Variants in CYP2E1 observed in about 807,000 individuals in gnomAD.
The protein encoded by CYP2E1 is cytochrome P450 family 2 subfamily E member 1.
CYP2E1 carries 31 observed loss-of-function variants against 42.9 expected under a neutral mutation model. That is an observed-to-expected ratio of 0.72 (90% CI 0.54 to 0.98). The LOEUF (loss-of-function observed/expected upper bound fraction) is 0.98. CYP2E1 is among the 50% of genes least tolerant of loss of function. CYP2E1 has a pLI of 0.00. For missense variants in CYP2E1, 565 were observed against 633.2 expected (o/e 0.89, Z 1.16); for synonymous variants, 244 against 248.9 (o/e 0.98, Z 0.19).
intron 6 of CYP2E1, 48 bp from the exon 7 acceptor site, chr10:133,537,015 C>T (rs755157438): frequency 1.4e-6 from 1 of 736,640 alleles, no homozygotes; most frequent in Non-Finnish European, 2.2e-6. Context: ...GGATGCCCAA[C>T]TGGCCAGGAA....
At chr10:133,533,730 C>A in intron 5 of CYP2E1, 26 bp from the exon 6 acceptor site, 1 of 1,612,204 alleles carries the variant, frequency 6.2e-7, no homozygotes. Flanking sequence ...AGCCCCTTCT[C>A]CTCCGGTCTG....
chr10:133,538,234 T>C (rs2133601051), intron 8 of CYP2E1, among the ~76,000 whole-genome samples: 1 of 152,288 alleles, frequency 6.6e-6, no homozygotes, highest in African/African-American at 2.4e-5. Context: ...CTCCCTAATT[T>C]TAAACCAGAG....
Position 133,539,016 on chromosome 10 carries a change from T to C in CYP2E1, c.*52T>C, listed in dbSNP as rs11101812. The C allele has an allele frequency of 2.4e-3, 3,526 of 1,465,024 alleles. 83 individuals carry two copies. The African/African-American group carries it at 0.045, about 19-fold the overall frequency. The allele number at this position is 1,465,024 out of a possible 1,614,324, so 90.8% of individuals were successfully genotyped here. A position where few individuals can be genotyped will look rare whatever the true frequency, so the allele number is the denominator to read the frequency against. On this transcript the variant is annotated 3_prime_UTR_variant, in exon 9 of 9. Coordinates refer to ENST00000252945, the MANE Select transcript of CYP2E1 (RefSeq NM_000773.4). ...CGCTTTCAAACAAGTTTTCAAATTGTTTGAGGTCAGGATTTCTCAAACTGA... is the reference window on the plus strand; with the variant it reads ...CGCTTTCAAACAAGTTTTCAAATTGCTTGAGGTCAGGATTTCTCAAACTGA...
intron 6 of CYP2E1, 39 bp from the exon 7 acceptor site, chr10:133,537,024 A>T: frequency 3.1e-6 from 5 of 1,592,360 alleles, no homozygotes; most frequent in Non-Finnish European, 4.3e-6. Context: ...ACTGGCCAGG[A>T]ACCAATCCCT....
rs766143856 is a variant in CYP2E1, at chr10:133,527,395, C to T, written c.-1C>T. On this transcript the variant is annotated 5_prime_UTR_variant, in exon 1 of 9. Coordinates refer to ENST00000252945, the MANE Select transcript of CYP2E1 (RefSeq NM_000773.4). ...GCTGGCAGCAGGGCCCCAGCGGCAC[C>T]ATGTCTGCCCTCGGAGTCACCGTGG... 18 of 1,600,784 alleles carry T rather than the reference C, an allele frequency of 1.1e-5. No homozygotes were observed. The highest frequency in any genetic ancestry group is 1.9e-4 in the Middle Eastern group (1 of 5,340).
In CYP2E1 at chr10:133,531,998, C is replaced by T; in HGVS notation, c.488-126C>T. Reference sequence around the variant, plus strand: ...TCAAACAGGTTCAGACATTCACTATCTTTCGTAAACTGGCAGTTTTCAGGG... The same window carrying T: ...TCAAACAGGTTCAGACATTCACTATTTTTCGTAAACTGGCAGTTTTCAGGG... On this transcript the variant is annotated intron_variant, in intron 3 of 8. Coordinates refer to ENST00000252945, the MANE Select transcript of CYP2E1 (RefSeq NM_000773.4). The T allele has an allele frequency of 1.6e-5, 15 of 922,148 alleles. 1 individual carries two copies. The South Asian group carries it at 2.5e-4, about 15-fold the overall frequency. The allele number at this position is 922,148 out of a possible 1,614,324, so 57.1% of individuals were successfully genotyped here.
Position 133,532,135 on chromosome 10 carries a change from G to C in CYP2E1, c.499G>C (p.Asp167His). The change falls in exon 4 of 9, where the codon GAC becomes CAC. Residue 167 changes from aspartate to histidine, a missense_variant. Physicochemically the swap from Asp to His is moderately conservative, Grantham distance 81. Coordinates refer to ENST00000252945, the MANE Select transcript of CYP2E1 (RefSeq NM_000773.4). ...ALRKTQGQPFDPTFLIGCAPC... is the reference protein window; with the variant it reads ...ALRKTQGQPFHPTFLIGCAPC... ...TGCCTGTTTTGTAGGCCAGCCTTTC[G>C]ACCCCACCTTCCTCATCGGCTGCGC... is the stretch of plus-strand genomic sequence containing the variant. 6.2e-7 allele frequency: 1 copy of C among 1,613,324 alleles called. No individual in the cohort carries two copies. Among genetic ancestry groups the C allele is most frequent in the Non-Finnish European group, 8.5e-7 (1 of 1,179,640 alleles).
In CYP2E1 at chr10:133,538,813, G is replaced by A. The variant is rs764917641; in HGVS notation, c.1331G>A (p.Arg444His). Residue 444 changes from arginine (R) to histidine (H), a missense_variant, in exon 9 of 9, where the codon CGC becomes CAC. Arg to His is a conservative substitution (Grantham distance 29). Transcript: ENST00000252945. Reference protein sequence around the residue: ...KRVCAGEGLARMELFLLLCAI... With the variant: ...KRVCAGEGLAHMELFLLLCAI... ...GTGTGTGCTGGAGAAGGCCTGGCTC[G>A]CATGGAGTTGTTTCTTTTGTTGTGT... 6 of 1,613,930 alleles carry A rather than the reference G, an allele frequency of 3.7e-6. No individual in the cohort carries two copies. The highest frequency in any genetic ancestry group is 1.7e-5 in the Admixed American group (1 of 59,998).
At chr10:133,530,222 C>G (rs891773550) in intron 2 of CYP2E1, among the ~76,000 whole-genome samples, 3 of 152,204 alleles carry the variant, frequency 2.0e-5, no homozygotes, top group African/African-American at 7.2e-5. Flanking sequence ...TCCTTATTAG[C>G]ACAATACTGA....
intron 3 of CYP2E1, 67 bp from the exon 4 acceptor site, chr10:133,532,057 G>A: frequency 2.7e-6 from 4 of 1,465,172 alleles, no homozygotes; most frequent in Non-Finnish European, 3.8e-6. Flanking sequence ...ACCTCAGTGG[G>A]TGACTGAGCA....
At chr10:133,528,964 T>C (rs1172187070) in intron 2 of CYP2E1, among the ~76,000 whole-genome samples, 1 of 152,156 alleles carries the variant, frequency 6.6e-6, no homozygotes, top group Non-Finnish European at 1.5e-5. Context: ...CGGGAGCGCT[T>C]TCCCCTCCTG....
Position 133,528,515 on chromosome 10 carries a change from A to G in CYP2E1, c.212A>G (p.Tyr71Cys). ...AQRFGPVFTL[Y>C]VGSQRMVVMH... ...CGCTTCGGGCCGGTGTTCACGCTGT[A>G]CGTGGGCTCGCAGCGCATGGTGGTG... Residue 71 changes from tyrosine (Y) to cysteine (C), a missense_variant, in exon 2 of 9, where the codon TAC (tyrosine) becomes TGC (cysteine). Tyr to Cys is a radical substitution (Grantham distance 194, BLOSUM62 -2). Coordinates refer to ENST00000252945, the MANE Select transcript of CYP2E1 (RefSeq NM_000773.4). 2 of 1,613,426 alleles carry G rather than the reference A, an allele frequency of 1.2e-6. No individual in the cohort carries two copies. The highest frequency in any genetic ancestry group is 8.5e-7 in the Non-Finnish European group (1 of 1,179,936).
intron 6 of CYP2E1, among the ~76,000 whole-genome samples, chr10:133,534,610 G>C (rs1396212680): frequency 6.6e-6 from 1 of 152,210 alleles, no homozygotes; most frequent in Non-Finnish European, 1.5e-5. Flanking sequence ...GGGGCCCAGA[G>C]CCCCTGCCTC....
Position 133,531,727 on chromosome 10 carries a change from G to A in CYP2E1, c.480G>A (p.Lys160=). ...EAHFLLEALR[K]TQGQPFDPTF... ...ACTTCCTGCTGGAAGCACTCAGGAA[G>A]ACCCAAGGTGCGTATCTGCTGCCTA... Residue 160 remains lysine (K), a synonymous_variant, in exon 3 of 9, where the codon AAG becomes AAA. Coordinates refer to ENST00000252945, the MANE Select transcript of CYP2E1 (RefSeq NM_000773.4). 6.3e-7 allele frequency: 1 copy of A among 1,594,722 alleles called. No homozygotes were observed. The highest frequency in any genetic ancestry group is 1.7e-4 in the Middle Eastern group (1 of 5,782).
Position 133,537,259 on chromosome 10 carries a change from A to G in CYP2E1, c.1155+9A>G, listed in dbSNP as rs1851417949. 1 of 1,612,716 alleles carries G rather than the reference A, an allele frequency of 6.2e-7. No individual in the cohort carries two copies. The highest frequency in any genetic ancestry group is 8.5e-7 in the Non-Finnish European group (1 of 1,179,180). ...GATACCTCATCCCCAAGGTTAAGCAATGAGCCTGCAGCACACAGCATGAAC... is the reference window on the plus strand; with the variant it reads ...GATACCTCATCCCCAAGGTTAAGCAGTGAGCCTGCAGCACACAGCATGAAC... On this transcript the variant is annotated intron_variant, in intron 7 of 8. Coordinates refer to ENST00000252945, the MANE Select transcript of CYP2E1 (RefSeq NM_000773.4).
chr10:133,528,632 G>A lies in CYP2E1; in HGVS notation c.329G>A (p.Arg110Lys), dbSNP rs899693063. Residue 110 changes from arginine to lysine, a missense_variant, in exon 2 of 9, where the codon AGG becomes AAG. Physicochemically the swap from Arg to Lys is conservative, Grantham distance 26. Transcript: ENST00000252945. ...GACCTCCCCGCGTTCCATGCGCACA[G>A]GGACAGGGGTGAGTCCGCGTCCCTG... ...RGDLPAFHAH[R>K]DRGIIFNNGP... The A allele has an allele frequency of 2.5e-6, 4 of 1,613,106 alleles. No individual in the cohort carries two copies. The highest frequency in any genetic ancestry group is 1.7e-5 in the Admixed American group (1 of 60,018).
chr10:133,537,205 T>C lies in CYP2E1; in HGVS notation c.1110T>C (p.His370=), dbSNP rs1851417185. 1.9e-6 allele frequency: 3 copies of C among 1,613,904 alleles called. No individual in the cohort carries two copies. Among genetic ancestry groups the C allele is most frequent in the Non-Finnish European group, 1.7e-6 (2 of 1,179,992 alleles). Residue 370 remains histidine, a synonymous_variant, in exon 7 of 9, where the codon CAT becomes CAC. Coordinates refer to ENST00000252945, the MANE Select transcript of CYP2E1 (RefSeq NM_000773.4). ...CCCTCGTGCCCTCCAACCTGCCCCA[T>C]GAAGCAACCCGAGACACCATTTTCA... ...FITLVPSNLP[H]EATRDTIFRG... is the part of the protein sequence containing the mutation.
intron 3 of CYP2E1, 23 bp downstream of exon 3, chr10:133,531,757 G>A: frequency 1.3e-6 from 2 of 1,558,572 alleles, no homozygotes; most frequent in Non-Finnish European, 1.7e-6. Flanking sequence ...TGCCTAGCAG[G>A]GCCCAGTCCT....
rs182627346 is a variant in CYP2E1, at chr10:133,529,136, G to A, written c.337+496G>A. 5.3e-5 allele frequency among the ~76,000 whole-genome samples: 8 copies of A among 152,344 alleles called. No individual in the cohort carries two copies. In the East Asian group the frequency reaches 1.5e-3, roughly 29 times the overall value. On this transcript the variant is annotated intron_variant, in intron 2 of 8. Coordinates refer to ENST00000252945, the MANE Select transcript of CYP2E1 (RefSeq NM_000773.4). ...TGTCCCGCTGGGGTGGATGTCCTGA[G>A]ACCGGGAAGGGGGAAGAGACCCACT...
Sources: allele counts gnomAD v4.1 joint callset (sites outside exome capture counted in the v4.1 genomes callset), GRCh38; gene constraint gnomAD v4.1.1; transcripts MANE v1.5; gene names NCBI Gene and HGNC (gene_info 2026-07-23, HGNC 2026-07-21).